Variants in ZFHX3 observed in about 807,000 individuals in gnomAD.
ZFHX3 encodes the protein zinc finger homeobox 3.
In ZFHX3, 42 loss-of-function variants were observed where a neutral mutation model predicts 279.1. That is an observed-to-expected ratio of 0.15 (90% CI 0.12 to 0.19). The LOEUF (loss-of-function observed/expected upper bound fraction) is 0.19, where lower values mean the gene tolerates loss of function less well. Ranked by LOEUF, ZFHX3 falls within the 10% of genes least tolerant of loss-of-function variation. The pLI is 1.00. For missense variants in ZFHX3, 4,981 were observed against 4,754.0 expected, an observed-to-expected ratio of 1.05 and a Z score of -1.40; for synonymous variants, 2,293 against 1,957.8, an observed-to-expected ratio of 1.17 and a Z score of -4.52.
chr16:73,053,179 GCTTTT>G (rs756661592), intron 1 of ZFHX3, among the ~76,000 whole-genome samples: 22 of 152,070 alleles, frequency 1.4e-4, no homozygotes, highest in Non-Finnish European at 1.9e-4. Flanking sequence ...TCCTCATCCT[GCTTTT>G]CTTTTCTTTT....
chr16:73,887,429 T>C (rs943993425), intron 1 of ZFHX3, among the ~76,000 whole-genome samples: 2 of 152,194 alleles, frequency 1.3e-5, no homozygotes, highest in African/African-American at 4.8e-5. Flanking sequence ...AATCGATTTC[T>C]ATACATGTTC....
At chr16:73,528,856 C>T (rs1321431165) in intron 2 of ZFHX3, among the ~76,000 whole-genome samples, 2 of 152,130 alleles carry the variant, frequency 1.3e-5, no homozygotes, top group African/African-American at 2.4e-5. Flanking sequence ...TTCATGACAC[C>T]AGCTACAGTA....
intron 1 of ZFHX3, among the ~76,000 whole-genome samples, chr16:72,994,970 C>T (rs1365416233): frequency 2.6e-5 from 4 of 152,148 alleles, no homozygotes; most frequent in Non-Finnish European, 5.9e-5. Flanking sequence ...TTAAGGTAAT[C>T]CAATTACACC....
intron 1 of ZFHX3, among the ~76,000 whole-genome samples, chr16:73,703,859 C>A (rs2053276648): frequency 6.6e-6 from 1 of 152,124 alleles, no homozygotes; most frequent in African/African-American, 2.4e-5. Flanking sequence ...ACGAGGCCTG[C>A]TGAGTTTGTT....
At chr16:73,688,088 G>A (rs376527501) in intron 1 of ZFHX3, among the ~76,000 whole-genome samples, 4 of 152,086 alleles carry the variant, frequency 2.6e-5, no homozygotes, top group African/African-American at 9.6e-5. Flanking sequence ...TGGGCACAGT[G>A]GCTCATGCCT....
chr16:73,586,485 G>A (rs1213505063), intron 2 of ZFHX3, among the ~76,000 whole-genome samples: 2 of 149,534 alleles, frequency 1.3e-5, no homozygotes, highest in Admixed American at 1.3e-4. Flanking sequence ...AACACTCTGG[G>A]AGGAAAAAAC....
At chr16:73,394,048 G>A (rs2017076394) in intron 3 of ZFHX3, among the ~76,000 whole-genome samples, 1 of 149,362 alleles carries the variant, frequency 6.7e-6, no homozygotes, top group African/African-American at 2.4e-5. Context: ...AAGTAACTTT[G>A]ATAACAGTAA....
At chr16:72,800,168 A>C (rs373664317) in intron 7 of ZFHX3, 39 bp from the exon 8 acceptor site, 1 of 1,543,052 alleles carries the variant, frequency 6.5e-7, no homozygotes, top group Non-Finnish European at 9.0e-7. Flanking sequence ...TGGAGAGGAA[A>C]GCGACACAAA....
intron 2 of ZFHX3, among the ~76,000 whole-genome samples, chr16:73,488,750 T>C (rs988121781): frequency 2.0e-5 from 3 of 152,202 alleles, no homozygotes; most frequent in Non-Finnish European, 4.4e-5. Flanking sequence ...ACTTTTCTAT[T>C]TTCATGACCC....
rs1206200344 is a variant in ZFHX3 at position 72,958,921 on chromosome 16, A to C, written c.1225T>G (p.Ser409Ala). The C allele has an allele frequency of 6.2e-7, 1 of 1,601,292 alleles. No homozygotes were observed. Reference sequence around the variant, plus strand: ...GAGGTAATGGGGGTCTTCAGTACCGAGCTGGTGAGCCCGCCAAGGTTCAAC... The same window carrying C: ...GAGGTAATGGGGGTCTTCAGTACCGCGCTGGTGAGCCCGCCAAGGTTCAAC... ...TLLNLGGLTSSVLKTPITSVP... is the reference protein window; with the variant it reads ...TLLNLGGLTSAVLKTPITSVP... The change falls in exon 2 of 10, where the codon TCG (serine) becomes GCG (alanine). Residue 409 changes from serine to alanine, a missense_variant. Coordinates refer to ENST00000268489, the MANE Select transcript of ZFHX3 (RefSeq NM_006885.4).
chr16:72,987,484 G>A (rs572529159), intron 1 of ZFHX3, among the ~76,000 whole-genome samples: 1 of 152,282 alleles, frequency 6.6e-6, no homozygotes, highest in South Asian at 2.1e-4. Context: ...ACCTCTACCT[G>A]CCCTATTTTC....
At chr16:73,692,528 G>A (rs192368818) in intron 1 of ZFHX3, among the ~76,000 whole-genome samples, 106 of 152,306 alleles carry the variant, frequency 7.0e-4, no homozygotes, top group African/African-American at 2.4e-3. Context: ...AGAGCCAAGA[G>A]ATTCCAACAC....
chr16:73,730,495 AC>A (rs1162763295), intron 1 of ZFHX3, among the ~76,000 whole-genome samples: 2 of 152,132 alleles, frequency 1.3e-5, no homozygotes, highest in African/African-American at 4.8e-5. Context: ...AAGGAATCAG[AC>A]CATTCCTTTG....
At chr16:72,860,155 T>G (rs981988023) in intron 4 of ZFHX3, among the ~76,000 whole-genome samples, 2 of 151,980 alleles carry the variant, frequency 1.3e-5, no homozygotes, top group Non-Finnish European at 2.9e-5. Flanking sequence ...AGATCCAGAT[T>G]CCCATCTAGA....
At chr16:72,999,201 G>A (rs985477611) in intron 1 of ZFHX3, among the ~76,000 whole-genome samples, 2 of 152,198 alleles carry the variant, frequency 1.3e-5, no homozygotes, top group African/African-American at 4.8e-5. Context: ...CTAGGCTGGA[G>A]TGCAGTGGCA....
At chr16:72,965,312 G>A (rs1006618585) in intron 1 of ZFHX3, among the ~76,000 whole-genome samples, 9 of 152,156 alleles carry the variant, frequency 5.9e-5, no homozygotes, top group African/African-American at 1.7e-4. Flanking sequence ...GCAAAAGAAC[G>A]CTGGCATCTC....
chr16:72,958,517 C>A lies in ZFHX3; in HGVS notation c.1629G>T (p.Leu543=), dbSNP rs2144443427. Residue 543 remains leucine, a synonymous_variant, in exon 2 of 10, where the codon CTG becomes CTT. Coordinates refer to ENST00000268489, the MANE Select transcript of ZFHX3 (RefSeq NM_006885.4). The part of the protein sequence containing the change: ...SPLMPNVLQT[L]SRGTASTSSN... ...AACTAGTAGAAGCTGTGCCCCTCGA[C>A]AGGGTCTGGAGCACGTTAGGCATTA... 2.5e-6 allele frequency: 4 copies of A among 1,614,126 alleles called. No homozygotes were observed. The highest frequency in any genetic ancestry group is 3.4e-6 in the Non-Finnish European group (4 of 1,180,046).
At chr16:72,979,115 G>A (rs1176024307) in intron 1 of ZFHX3, among the ~76,000 whole-genome samples, 3 of 152,194 alleles carry the variant, frequency 2.0e-5, no homozygotes, top group East Asian at 1.9e-4. Context: ...CTAAGAGAGC[G>A]TGGAGCACAT....
chr16:72,848,745 C>T (rs1257530077), intron 4 of ZFHX3, among the ~76,000 whole-genome samples: 3 of 151,560 alleles, frequency 2.0e-5, no homozygotes, highest in African/African-American at 7.3e-5. Flanking sequence ...CTCATCTCCC[C>T]ATGCCACGCC....
Sources: gnomAD v4.1 joint callset for allele counts (sites outside exome capture counted in the v4.1 genomes callset) on GRCh38, gnomAD v4.1.1 for gene constraint, MANE v1.5 for transcripts, NCBI Gene and HGNC (gene_info 2026-07-23, HGNC 2026-07-21) for gene names.